The following GOLGA4 variants were observed in gnomAD, a reference collection of about 807,000 sequenced individuals.
The protein encoded by GOLGA4 is golgin subfamily A member 4.
A neutral mutation model predicts 265.9 loss-of-function variants in GOLGA4; 169 were observed. The observed-to-expected ratio is 0.64, with a 90% CI of 0.56 to 0.72. The LOEUF is 0.72. Among genes scored for constraint, GOLGA4 ranks in the 30% least tolerant of loss-of-function variants. The probability of loss-of-function intolerance (pLI) is 0.00; values close to 1 mark genes in which losing one functional copy is unlikely to be tolerated. For missense variants in GOLGA4, 2,482 were observed against 2,483.4 expected, an observed-to-expected ratio of 1.00 and a Z score of 0.01; for synonymous variants, 923 against 855.8, an observed-to-expected ratio of 1.08 and a Z score of -1.37.
At chr3:37,255,863 C>G (rs1002263546) in intron 2 of GOLGA4, among the ~76,000 whole-genome samples, 10 of 152,128 alleles carry the variant, frequency 6.6e-5, no homozygotes, top group Middle Eastern at 6.8e-3. Context: ...AGTGATCCAT[C>G]CACCTTGGCC....
chr3:37,323,798 T>C lies in GOLGA4; in HGVS notation c.1912T>C (p.Tyr638His). ...TEKLQVLKQQYQTEMEKLREK... is the reference protein window; with the variant it reads ...TEKLQVLKQQHQTEMEKLREK... Reference sequence around the variant, plus strand: ...AAAACTCCAAGTCTTAAAGCAACAATATCAGACTGAAATGGAAAAACTTAG... The same window carrying C: ...AAAACTCCAAGTCTTAAAGCAACAACATCAGACTGAAATGGAAAAACTTAG... Residue 638 changes from tyrosine (Y) to histidine (H), a missense_variant, in exon 14 of 24, where the codon TAT becomes CAT. Tyr to His is a moderately conservative substitution (Grantham distance 83, BLOSUM62 2). This residue lies in a region of GOLGA4 where 1,536 missense variants were observed against 1,483.7 expected (regional missense o/e 1.04). Transcript: ENST00000361924. 6.2e-7 allele frequency: 1 copy of C among 1,609,740 alleles called. No individual in the cohort carries two copies. The highest frequency in any genetic ancestry group is 8.5e-7 in the Non-Finnish European group (1 of 1,179,042).
At chr3:37,287,545 T>C (rs1380796745) in intron 4 of GOLGA4, 1 of 152,226 alleles carries the variant, frequency 6.6e-6, no homozygotes, top group Non-Finnish European at 1.5e-5. Context: ...GTATATTTAG[T>C]TCTAGCCTCT....
chr3:37,335,721 C>G (rs1037690795), intron 17 of GOLGA4, among the ~76,000 whole-genome samples: 13 of 149,416 alleles, frequency 8.7e-5, no homozygotes, highest in African/African-American at 3.2e-4. Context: ...GGACTGAATT[C>G]AAAGAGAACT....
intron 2 of GOLGA4, among the ~76,000 whole-genome samples, chr3:37,259,395 C>T (rs1578382231): frequency 6.6e-6 from 1 of 152,362 alleles, no homozygotes; most frequent in Middle Eastern, 3.4e-3. Flanking sequence ...CAGGCAGTCA[C>T]AGCAGTCAAG....
At chr3:37,309,263 T>C (rs1244945849) in intron 10 of GOLGA4, among the ~76,000 whole-genome samples, 1 of 136,024 alleles carries the variant, frequency 7.4e-6, no homozygotes, top group Non-Finnish European at 1.6e-5. Context: ...AAAATAAAAA[T>C]AACAATTATA....
intron 1 of GOLGA4, among the ~76,000 whole-genome samples, chr3:37,244,576 A>C (rs1164533067): frequency 2.0e-5 from 3 of 152,124 alleles, no homozygotes; most frequent in African/African-American, 7.2e-5. Flanking sequence ...TCTGTCCCTT[A>C]ATTTTAGGGT....
intron 11 of GOLGA4, among the ~76,000 whole-genome samples, chr3:37,316,264 T>C (rs930127128): frequency 3.3e-5 from 5 of 151,992 alleles, no homozygotes; most frequent in Admixed American, 2.0e-4. Flanking sequence ...TTGCTCATTT[T>C]ATCCTATTTC....
At chr3:37,273,551 GC>G in intron 2 of GOLGA4, 1 of 1,507,562 alleles carries the variant, frequency 6.6e-7, no homozygotes, top group Non-Finnish European at 8.9e-7. Context: ...ATCTACTCAT[GC>G]CTCGAAATCT....
chr3:37,362,197 T>TTTTATTTATTTA, intron 23 of GOLGA4, among the ~76,000 whole-genome samples: 1 of 135,404 alleles, frequency 7.4e-6, no homozygotes, highest in South Asian at 2.3e-4. Context: ...TCTTTTAAGC[T>TTTTATTTATTTA]TTTATTTATT....
chr3:37,321,000 G>C (rs1217910193), intron 12 of GOLGA4, among the ~76,000 whole-genome samples: 1 of 152,162 alleles, frequency 6.6e-6, no homozygotes, highest in African/African-American at 2.4e-5. Flanking sequence ...GTGCACTTGA[G>C]TATAGTGAAC....
chr3:37,284,049 C>T (rs1022350574), intron 3 of GOLGA4, among the ~76,000 whole-genome samples: 2 of 152,036 alleles, frequency 1.3e-5, no homozygotes, highest in Admixed American at 6.6e-5. Flanking sequence ...GGCAGCTTAT[C>T]GGGATCAAAA....
rs115659116 is a variant in GOLGA4, at chr3:37,243,969, C to G, written c.72+347C>G. The G allele has an allele frequency of 7.3e-4, 191 of 261,856 alleles. 1 individual carries two copies. Among genetic ancestry groups the G allele is most frequent in the African/African-American group, 4.0e-3 (180 of 44,698 alleles). 16.2% of individuals were successfully genotyped at this position (261,856 alleles called of 1,614,324 possible). On this transcript the variant is annotated intron_variant, in intron 1 of 23. Transcript: ENST00000361924. ...TTTCCCACTCATCTGAGACCCCACG[C>G]TGGGAATGAGGGCGGGGTGGAAAAA...
chr3:37,318,367 C>T (rs945503713), intron 11 of GOLGA4, among the ~76,000 whole-genome samples: 1 of 152,100 alleles, frequency 6.6e-6, no homozygotes, highest in Non-Finnish European at 1.5e-5. Flanking sequence ...TTAATACACA[C>T]TAAATTATTA....
At chr3:37,280,128 G>A (rs2096830896) in intron 2 of GOLGA4, among the ~76,000 whole-genome samples, 1 of 152,070 alleles carries the variant, frequency 6.6e-6, no homozygotes, top group South Asian at 2.1e-4. Flanking sequence ...CAGATATTCT[G>A]GTGATACTAC....
chr3:37,318,822 G>GGA (rs72285852), intron 11 of GOLGA4, among the ~76,000 whole-genome samples: 4,000 of 152,198 alleles, frequency 0.026, 152 homozygotes, highest in African/African-American at 0.091. Flanking sequence ...ATGTGGAAAT[G>GGA]GAGTCTATTG....
At chr3:37,252,730 C>T (rs977965082) in intron 2 of GOLGA4, among the ~76,000 whole-genome samples, 4 of 152,102 alleles carry the variant, frequency 2.6e-5, no homozygotes, top group African/African-American at 2.4e-5. Context: ...TGATAACTAA[C>T]GAGATTGAGC....
At chr3:37,334,128 G>A (rs1298505710) in intron 16 of GOLGA4, among the ~76,000 whole-genome samples, 1 of 152,144 alleles carries the variant, frequency 6.6e-6, no homozygotes, top group Non-Finnish European at 1.5e-5. Flanking sequence ...AGAAGTCTGG[G>A]TTGCCCTGTA....
At chr3:37,293,094 G>A (rs2096869182) in intron 5 of GOLGA4, among the ~76,000 whole-genome samples, 1 of 152,144 alleles carries the variant, frequency 6.6e-6, no homozygotes, top group Non-Finnish European at 1.5e-5. Flanking sequence ...TATTGTTTGA[G>A]GAAAATTATT....
At chr3:37,289,575 T>C (rs1316394826) in intron 5 of GOLGA4, among the ~76,000 whole-genome samples, 1 of 152,224 alleles carries the variant, frequency 6.6e-6, no homozygotes, top group South Asian at 2.1e-4. Flanking sequence ...TTCTGTTATG[T>C]ATTTCAGGCT....
Sources: allele counts gnomAD v4.1 joint callset (sites outside exome capture counted in the v4.1 genomes callset), GRCh38; gene constraint gnomAD v4.1.1; regional missense constraint gnomAD v4.1.1; transcripts MANE v1.5; gene names NCBI Gene and HGNC (gene_info 2026-07-23, HGNC 2026-07-21).